Variants in DNAH9 observed in about 807,000 individuals in gnomAD.
The protein encoded by DNAH9 is dynein axonemal heavy chain 9, also known as DNAH9 variant protein.
Under a neutral mutation model 471.6 loss-of-function variants are expected in DNAH9, and 345 were observed. That is an observed-to-expected ratio of 0.73 (90% CI 0.67 to 0.80). The LOEUF (loss-of-function observed/expected upper bound fraction) is 0.80, where lower values mean the gene tolerates loss of function less well. Among genes scored for constraint, DNAH9 ranks in the 30% least tolerant of loss-of-function variants. DNAH9 has a pLI of 0.00. For missense variants in DNAH9, 5,407 were observed against 5,609.2 expected, an observed-to-expected ratio of 0.96 and a Z score of 1.15; for synonymous variants, 2,093 against 2,123.6, an observed-to-expected ratio of 0.99 and a Z score of 0.40.
rs1976219177 is a variant in DNAH9 at position 11,961,879 on chromosome 17, A to G, written c.12856A>G (p.Met4286Val). The G allele has an allele frequency of 6.2e-7, 1 of 1,607,986 alleles. No homozygotes were observed. Among genetic ancestry groups the G allele is most frequent in the Middle Eastern group, 1.7e-4 (1 of 5,994 alleles). ...TCTTTATCTTCAGGGGGAGCTGACT[A>G]TGACCAGCCACATGGAGAACTTACA... ...LELGLKGELT[M>V]TSHMENLQNA... Residue 4286 changes from methionine (M) to valine (V), a missense_variant, in exon 68 of 69, where the codon ATG (methionine) becomes GTG (valine). Transcript: ENST00000262442.
intron 32 of DNAH9, among the ~76,000 whole-genome samples, chr17:11,750,683 C>A (rs577422300): frequency 6.6e-6 from 1 of 152,020 alleles, no homozygotes; most frequent in Non-Finnish European, 1.5e-5. Flanking sequence ...ATTCCTGTAT[C>A]AAAAAGGAAA....
intron 43 of DNAH9, among the ~76,000 whole-genome samples, chr17:11,806,368 C>T (rs1006443092): frequency 6.6e-6 from 1 of 152,036 alleles, no homozygotes; most frequent in Admixed American, 6.6e-5. Context: ...AAAATATATA[C>T]AGTGTTATTT....
In DNAH9 at chr17:11,689,560, T is replaced by G; in HGVS notation, c.3744-6T>G. 6.2e-7 allele frequency: 1 copy of G among 1,606,254 alleles called. No individual in the cohort carries two copies. Among genetic ancestry groups the G allele is most frequent in the Non-Finnish European group, 8.5e-7 (1 of 1,176,328 alleles). ...TACTTACAAAGGAACACACTGTGTT[T>G]TGTAGGTTTGATAGCATCCACCCTC... On this transcript the variant is annotated splice_polypyrimidine_tract_variant and splice_region_variant and intron_variant, in intron 19 of 68. Transcript: ENST00000262442.
chr17:11,795,489 G>T (rs141178074), intron 42 of DNAH9, among the ~76,000 whole-genome samples: 17 of 152,246 alleles, frequency 1.1e-4, no homozygotes, highest in African/African-American at 4.1e-4. Context: ...GAAGATATCT[G>T]CAGTCCATCC....
intron 45 of DNAH9, among the ~76,000 whole-genome samples, chr17:11,819,521 G>A (rs987965707): frequency 2.0e-5 from 3 of 151,934 alleles, no homozygotes; most frequent in Admixed American, 1.3e-4. Flanking sequence ...GGGTTCAAGC[G>A]ATTCTTCTGT....
chr17:11,920,194 G>T (rs1397023052), intron 61 of DNAH9, among the ~76,000 whole-genome samples: 1 of 151,806 alleles, frequency 6.6e-6, no homozygotes, highest in East Asian at 2.0e-4. Context: ...GTGTCACCAT[G>T]CCTGGCTAAT....
At chr17:11,940,182 G>A (rs759017835) in intron 66 of DNAH9, among the ~76,000 whole-genome samples, 15 of 152,176 alleles carry the variant, frequency 9.9e-5, no homozygotes, top group African/African-American at 1.9e-4. Flanking sequence ...GGTGGACTCC[G>A]TCCCTTGGAA....
intron 1 of DNAH9, among the ~76,000 whole-genome samples, chr17:11,606,960 C>G (rs2072522334): frequency 6.6e-6 from 1 of 152,176 alleles, no homozygotes; most frequent in African/African-American, 2.4e-5. Context: ...TGGCCTGACT[C>G]TCACTGGCTC....
At position 11,892,691 on chromosome 17, in the gene DNAH9, C is replaced by G. The variant is rs1973088416; in HGVS notation, c.11283+744C>G. On this transcript the variant is annotated intron_variant, in intron 58 of 68. Coordinates refer to ENST00000262442, the MANE Select transcript of DNAH9 (RefSeq NM_001372.4). This position sits in a 1 kb window ranked among gnomAD's most constrained non-coding sequence, Gnocchi z 4.3. The stretch of plus-strand genomic sequence containing the variant: ...TCAGGCTCCCGTGTAGCTGGGATTA[C>G]AGGTGTGCGCCACCAGGCCCAGCGA... Among the ~76,000 whole-genome samples the G allele has an allele frequency of 6.6e-6, 1 of 152,112 alleles. No homozygotes were observed. The highest frequency in any genetic ancestry group is 1.5e-5 in the Non-Finnish European group (1 of 68,034).
chr17:11,689,114 A>G lies in DNAH9; in HGVS notation c.3744-452A>G, dbSNP rs531036719. 3.8e-4 allele frequency among the ~76,000 whole-genome samples: 58 copies of G among 151,918 alleles called. 1 individual carries two copies. Among genetic ancestry groups the G allele is most frequent in the South Asian group, 3.3e-3 (16 of 4,818 alleles). ...TGTCTCAAAAAAAAAATAAAAATAAAAAATAAATTTAAGAAATCACCTATC... is the reference window on the plus strand; with the variant it reads ...TGTCTCAAAAAAAAAATAAAAATAAGAAATAAATTTAAGAAATCACCTATC... On this transcript the variant is annotated intron_variant, in intron 19 of 68. Transcript: ENST00000262442.
At chr17:11,622,109 G>A (rs1248945011) in intron 6 of DNAH9, among the ~76,000 whole-genome samples, 2 of 150,426 alleles carry the variant, frequency 1.3e-5, no homozygotes, top group Non-Finnish European at 3.0e-5. Context: ...AAGTGAGATT[G>A]ATGTGTTACT....
chr17:11,819,111 T>C (rs1163444930), intron 45 of DNAH9, among the ~76,000 whole-genome samples: 2 of 152,094 alleles, frequency 1.3e-5, no homozygotes, highest in Admixed American at 6.6e-5. Flanking sequence ...TAATTAACTT[T>C]CTTTGACTTG....
At chr17:11,847,812 G>C (rs1971279462) in intron 49 of DNAH9, among the ~76,000 whole-genome samples, 1 of 152,038 alleles carries the variant, frequency 6.6e-6, no homozygotes, top group Admixed American at 6.6e-5. Context: ...TCAATGGACT[G>C]CCTTTGCCCT....
rs755300164 is a variant in DNAH9, at chr17:11,905,818, G to T, written c.11749+9G>T. The stretch of plus-strand genomic sequence containing the variant: ...GGATGTAGAAAGTCAAGGTGAGAAA[G>T]GCGTCCTCTTGGAGCCAGGGCTGCA... On this transcript the variant is annotated intron_variant, in intron 61 of 68. Coordinates refer to ENST00000262442, the MANE Select transcript of DNAH9 (RefSeq NM_001372.4). 1 of 1,596,632 alleles carries T rather than the reference G, an allele frequency of 6.3e-7. No individual in the cohort carries two copies. The highest frequency in any genetic ancestry group is 8.6e-7 in the Non-Finnish European group (1 of 1,169,248).
chr17:11,960,409 C>G (rs1975992747), intron 67 of DNAH9, among the ~76,000 whole-genome samples: 2 of 127,904 alleles, frequency 1.6e-5, no homozygotes, highest in South Asian at 5.1e-4. Flanking sequence ...GCACTCCAGC[C>G]TGGGTGACAG....
intron 28 of DNAH9, among the ~76,000 whole-genome samples, chr17:11,736,646 A>G (rs758760614): frequency 6.6e-5 from 10 of 152,166 alleles, no homozygotes; most frequent in African/African-American, 1.2e-4. Context: ...CAAAATTTCT[A>G]TGAGCACCGA....
intron 7 of DNAH9, among the ~76,000 whole-genome samples, chr17:11,632,255 T>C (rs2073083331): frequency 6.6e-6 from 1 of 152,208 alleles, no homozygotes; most frequent in Non-Finnish European, 1.5e-5. Context: ...CTGTTGATGC[T>C]GCGGTGGTTT....
At chr17:11,924,190 T>C (rs1188176092) in intron 62 of DNAH9, among the ~76,000 whole-genome samples, 1 of 152,204 alleles carries the variant, frequency 6.6e-6, no homozygotes, top group African/African-American at 2.4e-5. Context: ...GCTCTACTTA[T>C]AAAAGAAACA....
At chr17:11,718,917 G>A (rs1259738982) in intron 26 of DNAH9, among the ~76,000 whole-genome samples, 3 of 152,144 alleles carry the variant, frequency 2.0e-5, no homozygotes, top group African/African-American at 7.2e-5. Flanking sequence ...CATTAGCCAG[G>A]CAAAGATTAA....
Sources: allele counts gnomAD v4.1 joint callset (sites outside exome capture counted in the v4.1 genomes callset), GRCh38; gene constraint gnomAD v4.1.1; non-coding constraint Gnocchi (gnomAD v3.1); transcripts MANE v1.5; gene names NCBI Gene and HGNC (gene_info 2026-07-23, HGNC 2026-07-21).